The following THRAP3 variants were observed in gnomAD, a reference collection of about 807,000 sequenced individuals.
The protein encoded by THRAP3 is thyroid hormone receptor associated protein 3.
THRAP3 carries 16 observed loss-of-function variants against 101.0 expected under a neutral mutation model. That is an observed-to-expected ratio of 0.16 (90% confidence interval 0.11 to 0.24). The LOEUF (loss-of-function observed/expected upper bound fraction) is 0.24, where lower values mean the gene tolerates loss of function less well. Among genes scored for constraint, THRAP3 ranks in the 10% least tolerant of loss-of-function variants. The probability of loss-of-function intolerance (pLI) is 1.00; values close to 1 mark genes in which losing one functional copy is unlikely to be tolerated. For missense variants in THRAP3, 989 were observed against 1,202.7 expected, an observed-to-expected ratio of 0.82 and a Z score of 2.63; for synonymous variants, 407 against 422.6, an observed-to-expected ratio of 0.96 and a Z score of 0.45.
intron 1 of THRAP3, among the ~76,000 whole-genome samples, chr1:36,252,925 G>C (rs1224254335): frequency 4.0e-5 from 2 of 50,608 alleles, no homozygotes; most frequent in Non-Finnish European, 7.7e-5. Flanking sequence ...TATATAGATA[G>C]GCATATATAT....
chr1:36,294,293 C>T (rs910156072), intron 8 of THRAP3: 1 of 929,510 alleles, frequency 1.1e-6, no homozygotes, highest in Admixed American at 5.3e-5. Context: ...ACCATGATTT[C>T]AGAAAGACAT....
At chr1:36,249,832 A>T (rs1570263217) in intron 1 of THRAP3, among the ~76,000 whole-genome samples, 1 of 152,026 alleles carries the variant, frequency 6.6e-6, no homozygotes, top group Non-Finnish European at 1.5e-5. Flanking sequence ...ATGTAGTTTG[A>T]TTAAGGGTAG....
intron 1 of THRAP3, among the ~76,000 whole-genome samples, chr1:36,243,266 A>G (rs1378168116): frequency 6.6e-6 from 1 of 150,576 alleles, no homozygotes; most frequent in Admixed American, 6.7e-5. Flanking sequence ...GCAGGGTCAC[A>G]GGACAATAGT....
chr1:36,235,905 A>G (rs1645081954), intron 1 of THRAP3, among the ~76,000 whole-genome samples: 1 of 152,132 alleles, frequency 6.6e-6, no homozygotes, highest in African/African-American at 2.4e-5. Flanking sequence ...TTGACATAAT[A>G]CAGTGAGTTT....
At chr1:36,250,838 C>CT (rs1645292363) in intron 1 of THRAP3, among the ~76,000 whole-genome samples, 1 of 152,090 alleles carries the variant, frequency 6.6e-6, no homozygotes, top group Admixed American at 6.6e-5. Flanking sequence ...CCTCCACCTC[C>CT]TGGGCTCAAG....
intron 1 of THRAP3, among the ~76,000 whole-genome samples, chr1:36,257,410 A>T (rs1645389346): frequency 6.6e-6 from 1 of 152,170 alleles, no homozygotes; most frequent in Non-Finnish European, 1.5e-5. Flanking sequence ...TTATTTGTTG[A>T]ATAAGTGGAC....
At position 36,259,403 on chromosome 1, in the gene THRAP3, GT is replaced by G. The variant is rs1645415833; in HGVS notation, c.-112del. On this transcript the variant is annotated 5_prime_UTR_variant, in exon 2 of 12. An upstream open reading frame in the 5' UTR loses its in-frame stop. Coordinates refer to ENST00000354618, the MANE Select transcript of THRAP3 (RefSeq NM_005119.4). ...TCAGAAGTGTATGCTGACTTGTAAA[GT>G]GAAGAAGCCAGTGGTGCTGCGGGTG... 2.5e-6 allele frequency: 1 copy of G among 398,650 alleles called. No individual in the cohort carries two copies. The highest frequency in any genetic ancestry group is 4.4e-6 in the Non-Finnish European group (1 of 226,066). 24.7% of individuals were successfully genotyped at this position (398,650 alleles called of 1,614,324 possible). A position where few individuals can be genotyped will look rare whatever the true frequency, so the allele number is the denominator to read the frequency against.
intron 2 of THRAP3, among the ~76,000 whole-genome samples, chr1:36,276,046 A>G (rs1645655513): frequency 6.6e-6 from 1 of 152,100 alleles, no homozygotes; most frequent in African/African-American, 2.4e-5. Flanking sequence ...ATACTTGACA[A>G]CATTCATAAA....
At chr1:36,241,383 GTGTATATATATATATATA>G (rs71053915) in intron 1 of THRAP3, among the ~76,000 whole-genome samples, 46,171 of 131,832 alleles carry the variant, frequency 0.35, 8,604 homozygotes, top group East Asian at 0.5. Flanking sequence ...ATGATAATGG[GTGTATATATATATATATA>G]TATATATATA....
intron 7 of THRAP3, among the ~76,000 whole-genome samples, chr1:36,293,136 C>G (rs573849157): frequency 7.0e-6 from 1 of 142,224 alleles, no homozygotes; most frequent in Non-Finnish European, 1.5e-5. Flanking sequence ...TCAAGCAATT[C>G]TCATGCCTTA....
chr1:36,247,439 C>T (rs1454558672), intron 1 of THRAP3, among the ~76,000 whole-genome samples: 2 of 152,058 alleles, frequency 1.3e-5, no homozygotes, highest in Admixed American at 6.5e-5. Flanking sequence ...ATTCTCCCAC[C>T]TCAGCCTCCT....
chr1:36,233,513 CAAAA>C (rs750938761), intron 1 of THRAP3, among the ~76,000 whole-genome samples: 1 of 121,642 alleles, frequency 8.2e-6, no homozygotes, highest in Non-Finnish European at 1.7e-5. Context: ...GACTCCATCT[CAAAA>C]AAAAAAAAAA....
intron 8 of THRAP3, chr1:36,294,379 T>C (rs1261627180): frequency 2.2e-5 from 6 of 271,038 alleles, no homozygotes; most frequent in Non-Finnish European, 2.8e-5. Flanking sequence ...CAGTTTTTTT[T>C]CCTAACATTG....
At chr1:36,263,934 C>A (rs757506529) in intron 2 of THRAP3, among the ~76,000 whole-genome samples, 1 of 152,214 alleles carries the variant, frequency 6.6e-6, no homozygotes, top group Admixed American at 6.5e-5. Context: ...CTTGATAATA[C>A]GACCTTTCCT....
At chr1:36,257,030 C>T (rs1232106591) in intron 1 of THRAP3, among the ~76,000 whole-genome samples, 2 of 152,100 alleles carry the variant, frequency 1.3e-5, no homozygotes, top group African/African-American at 4.8e-5. Context: ...CTCCCGACCT[C>T]AGGTGATCTG....
intron 8 of THRAP3, among the ~76,000 whole-genome samples, chr1:36,296,114 C>T (rs981917956): frequency 6.6e-6 from 1 of 151,828 alleles, no homozygotes; most frequent in African/African-American, 2.4e-5. Flanking sequence ...GCTGGGATTA[C>T]AGGCACACGC....
intron 2 of THRAP3, among the ~76,000 whole-genome samples, chr1:36,275,746 G>C (rs1254615303): frequency 6.6e-6 from 1 of 151,998 alleles, no homozygotes; most frequent in Non-Finnish European, 1.5e-5. Context: ...GTTGGACTAG[G>C]TGTGGTGGCT....
chr1:36,241,171 C>T (rs1282375259), intron 1 of THRAP3, among the ~76,000 whole-genome samples: 3 of 135,044 alleles, frequency 2.2e-5, no homozygotes, highest in Non-Finnish European at 4.6e-5. Flanking sequence ...CGGGCCTGGG[C>T]GACAGTGCAA....
At chr1:36,273,388 T>C in intron 2 of THRAP3, among the ~76,000 whole-genome samples, 1 of 152,194 alleles carries the variant, frequency 6.6e-6, no homozygotes, top group Non-Finnish European at 1.5e-5. Context: ...CACCTTCTCA[T>C]TATAAAAATA....
Sources: gnomAD v4.1 joint callset for allele counts (sites outside exome capture counted in the v4.1 genomes callset) on GRCh38, gnomAD v4.1.1 for gene constraint, MANE v1.5 for transcripts, NCBI Gene and HGNC (gene_info 2026-07-23, HGNC 2026-07-21) for gene names.